The following PIGN variants were observed in gnomAD, a reference collection of about 807,000 sequenced individuals.
PIGN encodes the protein phosphatidylinositol glycan anchor biosynthesis class N.
In PIGN, 117 loss-of-function variants were observed where a neutral mutation model predicts 125.4. The ratio of observed to expected loss-of-function variants is 0.93; its 90% CI spans 0.80 to 1.09. The LOEUF (loss-of-function observed/expected upper bound fraction) is 1.09. PIGN is among the 50% of genes least tolerant of loss of function. The probability of loss-of-function intolerance (pLI) is 0.00; values close to 1 mark genes in which losing one functional copy is unlikely to be tolerated. For synonymous variants in PIGN, 392 were observed against 377.8 expected, an observed-to-expected ratio of 1.04 and a Z score of -0.44; for missense variants, 1,075 against 1,094.9, an observed-to-expected ratio of 0.98 and a Z score of 0.26.
At chr18:62,110,689 T>C (rs2034840681) in intron 16 of PIGN, among the ~76,000 whole-genome samples, 1 of 152,050 alleles carries the variant, frequency 6.6e-6, no homozygotes. Flanking sequence ...GAGTTCAGTC[T>C]GCCTTTCCTG....
intron 7 of PIGN, among the ~76,000 whole-genome samples, chr18:62,150,004 T>C (rs1277242555): frequency 1.3e-5 from 2 of 152,176 alleles, no homozygotes; most frequent in African/African-American, 2.4e-5. Flanking sequence ...GTTGTTGTTG[T>C]TGAGACAGTC....
chr18:62,074,596 T>A (rs1329493518), intron 29 of PIGN, among the ~76,000 whole-genome samples, 183 bp downstream of exon 29: 5 of 152,200 alleles, frequency 3.3e-5, no homozygotes, highest in African/African-American at 9.6e-5. Context: ...TTTTGACACC[T>A]GAAGAAGAGC....
chr18:62,113,237 C>T lies in PIGN; in HGVS notation c.1331G>A (p.Gly444Asp), dbSNP rs963330253. The T allele has an allele frequency of 1.2e-6, 2 of 1,612,864 alleles. No individual in the cohort carries two copies. The highest frequency in any genetic ancestry group is 3.3e-5 in the Admixed American group (2 of 59,978). Residue 444 changes from glycine to aspartate, a missense_variant, in exon 16 of 31, where the codon GGC becomes GAC. By Grantham distance (94) the Gly-to-Asp change is moderately conservative. Around this residue, in one of 3 missense-constraint regions of PIGN, gnomAD observed 915 missense variants for 908.7 expected, o/e 1.01. Transcript: ENST00000640252. ...CACAAAACCAATAACAACATTGACGCCCAAAAAGAATCTGTCATATGTGTG... is the reference window on the plus strand; with the variant it reads ...CACAAAACCAATAACAACATTGACGTCCAAAAAGAATCTGTCATATGTGTG... ...YYHTYDRFFL[G>D]VNVVIGFVGW...
chr18:62,114,110 C>T (rs1217743001), intron 15 of PIGN, among the ~76,000 whole-genome samples: 1 of 152,084 alleles, frequency 6.6e-6, no homozygotes, highest in African/African-American at 2.4e-5. Flanking sequence ...GCCTGTAATC[C>T]CAGCACTTTG....
chr18:62,150,249 G>T (rs2147349549), intron 7 of PIGN, among the ~76,000 whole-genome samples: 1 of 152,322 alleles, frequency 6.6e-6, no homozygotes, highest in Middle Eastern at 3.4e-3. Context: ...CTCCCAAAGT[G>T]CTGGGATTAC....
At chr18:62,123,814 G>C (rs545645941) in intron 14 of PIGN, among the ~76,000 whole-genome samples, 1 of 151,942 alleles carries the variant, frequency 6.6e-6, no homozygotes, top group Non-Finnish European at 1.5e-5. Context: ...ATGAAGAATA[G>C]GAAAGGATAC....
intron 17 of PIGN, among the ~76,000 whole-genome samples, chr18:62,109,549 G>A (rs563108358): frequency 7.9e-5 from 12 of 152,140 alleles, no homozygotes; most frequent in Admixed American, 1.3e-4. Flanking sequence ...AATATTAATC[G>A]TTACTTTTAT....
intron 23 of PIGN, among the ~76,000 whole-genome samples, chr18:62,022,457 T>C (rs1474624302): frequency 1.3e-5 from 2 of 152,218 alleles, no homozygotes; most frequent in Non-Finnish European, 2.9e-5. Flanking sequence ...ACAATAAGGT[T>C]AAGCCCTGAA....
At chr18:62,020,545 C>G (rs2030040631) in intron 23 of PIGN, among the ~76,000 whole-genome samples, 1 of 151,354 alleles carries the variant, frequency 6.6e-6, no homozygotes, top group Admixed American at 6.6e-5. Flanking sequence ...TGAATAGACT[C>G]TTCACCAAAG....
chr18:62,140,409 T>G lies in PIGN; in HGVS notation c.1023+11A>C, dbSNP rs1280300561. The stretch of plus-strand genomic sequence containing the variant: ...TATACTGAGAGTTGATAATAAAATT[T>G]TATTCCTTACCACTGAGTTAAGAGG... On this transcript the variant is annotated intron_variant, in intron 12 of 30. Transcript: ENST00000640252. 1.5e-6 allele frequency: 2 copies of G among 1,303,976 alleles called. No individual in the cohort carries two copies. The highest frequency in any genetic ancestry group is 1.3e-5 in the South Asian group (1 of 74,140). The allele number at this position is 1,303,976 out of a possible 1,614,324, so 80.8% of individuals were successfully genotyped here. A position where few individuals can be genotyped will look rare whatever the true frequency, so the allele number is the denominator to read the frequency against.
Position 62,140,461 on chromosome 18 carries a change from T to A in PIGN, c.982A>T (p.Met328Leu). The A allele has an allele frequency of 6.4e-7, 1 of 1,554,972 alleles. No homozygotes were observed. Among genetic ancestry groups the A allele is most frequent in the Non-Finnish European group, 8.8e-7 (1 of 1,136,906 alleles). ...AAGGGAACTCCAATAAGGGAAGTCATCAATGGTGCAATATCAGCCTACAAA... is the reference window on the plus strand; with the variant it reads ...AAGGGAACTCCAATAAGGGAAGTCAACAATGGTGCAATATCAGCCTACAAA... The part of the protein sequence containing the change: ...DVNQADIAPL[M>L]TSLIGVPFPL... Residue 328 changes from methionine (M) to leucine (L), a missense_variant, in exon 12 of 31, where the codon ATG becomes TTG. Physicochemically the swap from Met to Leu is conservative, Grantham distance 15 (BLOSUM62 2). This residue lies in a region of PIGN where 915 missense variants were observed against 908.7 expected (regional missense o/e 1.01). Transcript: ENST00000640252.
chr18:62,166,100 T>C (rs977808593), intron 1 of PIGN, among the ~76,000 whole-genome samples: 1 of 152,200 alleles, frequency 6.6e-6, no homozygotes, highest in South Asian at 2.1e-4. Context: ...AAGCTGGAGT[T>C]AAATTCTCAG....
chr18:62,125,717 T>A (rs2035510601), intron 14 of PIGN, among the ~76,000 whole-genome samples: 2 of 152,082 alleles, frequency 1.3e-5, no homozygotes, highest in South Asian at 4.1e-4. Flanking sequence ...AAAAAGTATG[T>A]CTAACTTGAA....
chr18:62,087,332 A>G (rs2033754508), intron 25 of PIGN, among the ~76,000 whole-genome samples: 1 of 152,236 alleles, frequency 6.6e-6, no homozygotes, highest in Non-Finnish European at 1.5e-5. Context: ...AAGTGTGGTC[A>G]GGTAAACTGA....
intron 14 of PIGN, chr18:62,135,619 C>CTTTTTTTTT (rs72454339): frequency 7.3e-5 from 5 of 68,682 alleles, no homozygotes; most frequent in Non-Finnish European, 1.3e-4. Context: ...TTTTCTTTGT[C>CTTTTTTTTT]TTTTTTTTTT....
At chr18:62,105,713 G>C in intron 19 of PIGN, 79 bp from the exon 20 acceptor site, 1 of 738,758 alleles carries the variant, frequency 1.4e-6, no homozygotes, top group Admixed American at 3.0e-5. Flanking sequence ...CTATATGACT[G>C]TGAAGGTAAA....
At chr18:62,104,441 A>G (rs772252977) in intron 20 of PIGN, among the ~76,000 whole-genome samples, 1 of 152,198 alleles carries the variant, frequency 6.6e-6, no homozygotes, top group Non-Finnish European at 1.5e-5. Flanking sequence ...CTGAAGCAAG[A>G]AATAAATGAA....
At chr18:62,083,939 AAT>A (rs1271327584) in intron 27 of PIGN, among the ~76,000 whole-genome samples, 23 of 152,284 alleles carry the variant, frequency 1.5e-4, no homozygotes, top group African/African-American at 5.3e-4. Context: ...TATTTAAACA[AAT>A]ATATACTAAG....
intron 23 of PIGN, among the ~76,000 whole-genome samples, chr18:62,094,511 T>G (rs1599503026): frequency 6.6e-6 from 1 of 152,304 alleles, no homozygotes; most frequent in East Asian, 1.9e-4. Context: ...CTTCCTTATA[T>G]AGATTAAAAA....
Sources: allele counts gnomAD v4.1 joint callset (sites outside exome capture counted in the v4.1 genomes callset), GRCh38; gene constraint gnomAD v4.1.1; regional missense constraint gnomAD v4.1.1; transcripts MANE v1.5; gene names NCBI Gene and HGNC (gene_info 2026-07-23, HGNC 2026-07-21).